The following SLC24A3 variants were observed in gnomAD, a reference collection of about 807,000 sequenced individuals.
SLC24A3 encodes sodium/potassium/calcium exchanger 3.
A neutral mutation model predicts 75.8 loss-of-function variants in SLC24A3; 28 were observed. The ratio of observed to expected loss-of-function variants is 0.37; its 90% CI spans 0.27 to 0.51. The LOEUF is 0.51. SLC24A3 is among the 20% of genes least tolerant of loss of function. The probability of loss-of-function intolerance (pLI) is 0.94; values close to 1 mark genes in which losing one functional copy is unlikely to be tolerated. For missense variants in SLC24A3, 663 were observed against 847.8 expected (o/e 0.78, Z 2.71); for synonymous variants, 372 against 334.1 (o/e 1.11, Z -1.24).
intron 2 of SLC24A3, among the ~76,000 whole-genome samples, chr20:19,321,367 C>T (rs997266952): frequency 2.0e-5 from 3 of 152,148 alleles, no homozygotes; most frequent in East Asian, 1.9e-4. Flanking sequence ...ATGGACTAAG[C>T]GTTTCCCAAG....
intron 4 of SLC24A3, among the ~76,000 whole-genome samples, chr20:19,583,436 T>C (rs1426303353): frequency 2.0e-5 from 3 of 152,122 alleles, no homozygotes; most frequent in African/African-American, 7.2e-5. Context: ...TTCCAAGCTC[T>C]GGAGGGAGCT....
At chr20:19,240,509 A>G (rs926611556) in intron 1 of SLC24A3, among the ~76,000 whole-genome samples, 13 of 152,236 alleles carry the variant, frequency 8.5e-5, no homozygotes, top group Non-Finnish European at 1.8e-4. Context: ...AGACAGGCTC[A>G]GGAAGCCAGG....
chr20:19,680,284 A>G (rs1461158506), intron 9 of SLC24A3, among the ~76,000 whole-genome samples: 2 of 152,050 alleles, frequency 1.3e-5, no homozygotes, highest in Non-Finnish European at 2.9e-5. Context: ...ACTGTTGATT[A>G]TATCCCATGC....
rs548442234 is a variant in SLC24A3, at chr20:19,585,087, T to C, written c.508+32T>C. ...GACAGACTGAGGGACATCTCAGACC[T>C]TCACTGTCTGAAGGAAAAGGGCTCT... On this transcript the variant is annotated intron_variant, in intron 5 of 16. Transcript: ENST00000328041. The C allele has an allele frequency of 2.0e-4, 311 of 1,567,858 alleles. 4 individuals are homozygous for C. Among genetic ancestry groups the C allele is most frequent in the South Asian group, 1.2e-3 (108 of 89,306 alleles).
intron 2 of SLC24A3, among the ~76,000 whole-genome samples, chr20:19,398,329 T>G (rs1039849949): frequency 6.6e-5 from 10 of 152,198 alleles, no homozygotes; most frequent in African/African-American, 2.4e-4. Flanking sequence ...TTGCTCCATT[T>G]ACTTCAGTGT....
At chr20:19,281,115 CAG>C in intron 2 of SLC24A3, 28 bp downstream of exon 2, 1 of 1,612,200 alleles carries the variant, frequency 6.2e-7, no homozygotes, top group Admixed American at 1.7e-5. Flanking sequence ...TCATGGGCAG[CAG>C]CTGTCATTTT....
intron 3 of SLC24A3, among the ~76,000 whole-genome samples, chr20:19,535,675 GAGA>G (rs1686883757): frequency 6.6e-6 from 1 of 152,206 alleles, no homozygotes; most frequent in African/African-American, 2.4e-5. Context: ...TTGCTTGAGA[GAGA>G]AGAACTGGGG....
Position 19,387,720 on chromosome 20 carries a change from A to G in SLC24A3, c.271+106633A>G, listed in dbSNP as rs963533823. Among the ~76,000 whole-genome samples the G allele has an allele frequency of 2.6e-5, 4 of 152,150 alleles. No individual in the cohort carries two copies. In the East Asian group the frequency reaches 7.7e-4, roughly 29 times the overall value. On this transcript the variant is annotated intron_variant, in intron 2 of 16. Coordinates refer to ENST00000328041, the MANE Select transcript of SLC24A3 (RefSeq NM_020689.4). ...TTTCAGTCTTCTTGAATTTGTTAAG[A>G]CTTGTTTTGTGGCCTAACATGATCT...
chr20:19,671,734 G>A (rs2032469672), intron 8 of SLC24A3, among the ~76,000 whole-genome samples: 1 of 152,116 alleles, frequency 6.6e-6, no homozygotes, highest in Non-Finnish European at 1.5e-5. Context: ...AGACTTCCAG[G>A]TGCAGAGGCC....
At chr20:19,635,426 G>C (rs1436161730) in intron 6 of SLC24A3, among the ~76,000 whole-genome samples, 1 of 152,196 alleles carries the variant, frequency 6.6e-6, no homozygotes, top group Non-Finnish European at 1.5e-5. Flanking sequence ...TGATGAAGAA[G>C]GAGTAATCAG....
At chr20:19,356,839 C>G (rs1056364443) in intron 2 of SLC24A3, among the ~76,000 whole-genome samples, 7 of 137,442 alleles carry the variant, frequency 5.1e-5, no homozygotes, top group African/African-American at 2.4e-4. Flanking sequence ...ACTTCATATT[C>G]TCAGACTTTG....
intron 2 of SLC24A3, among the ~76,000 whole-genome samples, chr20:19,402,992 A>C (rs1242581941): frequency 6.6e-6 from 1 of 152,216 alleles, no homozygotes; most frequent in Non-Finnish European, 1.5e-5. Context: ...ACTTTTAATC[A>C]CTGTAATTAT....
At position 19,212,930 on chromosome 20, in the gene SLC24A3, C is replaced by T. The variant is rs762866989; in HGVS notation, c.88C>T (p.Leu30=). The T allele has an allele frequency of 9.7e-5, 131 of 1,350,840 alleles. No homozygotes were observed. The highest frequency in any genetic ancestry group is 1.1e-4 in the Non-Finnish European group (118 of 1,048,982). 83.7% of individuals were successfully genotyped at this position (1,350,840 alleles called of 1,614,324 possible). Residue 30 remains leucine (L), a synonymous_variant, in exon 1 of 17, where the codon CTG becomes TTG. Coordinates refer to ENST00000328041, the MANE Select transcript of SLC24A3 (RefSeq NM_020689.4). The part of the protein sequence containing the change: ...RDLLLSQLCF[L]ASVALLLWSL... The stretch of plus-strand genomic sequence containing the variant: ...CCTTCTGCTGAGCCAGCTCTGCTTC[C>T]TGGCCTCGGTGGCGCTGCTGCTCTG...
At chr20:19,524,409 C>A (rs2030160169) in intron 3 of SLC24A3, among the ~76,000 whole-genome samples, 1 of 152,210 alleles carries the variant, frequency 6.6e-6, no homozygotes, top group African/African-American at 2.4e-5. Flanking sequence ...TGTCTTGAGG[C>A]TGGGCAAGAT....
chr20:19,565,163 A>T (rs923397640), intron 3 of SLC24A3, among the ~76,000 whole-genome samples: 1 of 152,206 alleles, frequency 6.6e-6, no homozygotes, highest in Non-Finnish European at 1.5e-5. Flanking sequence ...GGTTTGTGGA[A>T]TCCAGTAAGT....
intron 14 of SLC24A3, among the ~76,000 whole-genome samples, chr20:19,697,772 G>A (rs114233887): frequency 6.6e-6 from 1 of 152,328 alleles, no homozygotes; most frequent in African/African-American, 2.4e-5. Context: ...AAGGACTGGA[G>A]ACAGTACAGG....
chr20:19,662,237 A>C (rs1323453379), intron 7 of SLC24A3, among the ~76,000 whole-genome samples: 2 of 152,164 alleles, frequency 1.3e-5, no homozygotes, highest in Non-Finnish European at 2.9e-5. Context: ...CCAACAGGGC[A>C]CAGAGAGAAG....
At chr20:19,423,525 GT>G in intron 2 of SLC24A3, among the ~76,000 whole-genome samples, 1 of 152,194 alleles carries the variant, frequency 6.6e-6, no homozygotes, top group East Asian at 1.9e-4. Context: ...CAGCAGGAGG[GT>G]TTGCAGAATT....
At chr20:19,490,754 A>G (rs911922993) in intron 2 of SLC24A3, among the ~76,000 whole-genome samples, 5 of 152,192 alleles carry the variant, frequency 3.3e-5, no homozygotes, top group Admixed American at 2.6e-4. Context: ...GTACACACAT[A>G]CAAAATCCTG....
Sources: gnomAD v4.1 joint callset for allele counts (sites outside exome capture counted in the v4.1 genomes callset) on GRCh38, gnomAD v4.1.1 for gene constraint, MANE v1.5 for transcripts, NCBI Gene and HGNC (gene_info 2026-07-23, HGNC 2026-07-21) for gene names.